GUCY2C: variants seen among roughly 807,000 people sequenced by gnomAD.
GUCY2C encodes guanylyl cyclase C.
Under a neutral mutation model 131.1 loss-of-function variants are expected in GUCY2C, and 118 were observed. That is an observed-to-expected ratio of 0.90 (90% CI 0.78 to 1.05). The LOEUF is 1.05. Among genes scored for constraint, GUCY2C ranks in the 50% least tolerant of loss-of-function variants. The pLI, the probability that GUCY2C is intolerant of heterozygous loss-of-function variation, is 0.00. For synonymous variants in GUCY2C, 452 were observed against 457.8 expected (o/e 0.99, Z 0.16); for missense variants, 1,161 against 1,304.4 (o/e 0.89, Z 1.69).
At chr12:14,630,033 A>G (rs1357445942) in intron 19 of GUCY2C, among the ~76,000 whole-genome samples, 1 of 147,456 alleles carries the variant, frequency 6.8e-6, no homozygotes, top group African/African-American at 2.7e-5. Context: ...AAAGGGAGGT[A>G]TGGAGGAAGA....
At position 14,612,839 on chromosome 12, in the gene GUCY2C, T is replaced by C. The variant is rs1289527292; in HGVS notation, c.*278A>G. The stretch of plus-strand genomic sequence containing the variant: ...TAAATGAAATAAGAATAAAATCTTC[T>C]CAAGTTCTAGATAGTCTATTCATTT... On this transcript the variant is annotated 3_prime_UTR_variant, in exon 27 of 27. Transcript: ENST00000261170. 3.1e-6 allele frequency: 1 copy of C among 317,842 alleles called. No homozygotes were observed. Among genetic ancestry groups the C allele is most frequent in the Non-Finnish European group, 5.7e-6 (1 of 175,778 alleles). The allele number at this position is 317,842 out of a possible 1,614,324, so 19.7% of individuals were successfully genotyped here. A position where few individuals can be genotyped will look rare whatever the true frequency, so the allele number is the denominator to read the frequency against.
chr12:14,670,875 A>G (rs946677639), intron 9 of GUCY2C, among the ~76,000 whole-genome samples: 6 of 151,730 alleles, frequency 4.0e-5, no homozygotes, highest in African/African-American at 9.7e-5. Flanking sequence ...TTACAGTTCC[A>G]CATGACTGGG....
At chr12:14,671,262 C>G (rs1172802724) in intron 9 of GUCY2C, among the ~76,000 whole-genome samples, 1 of 152,090 alleles carries the variant, frequency 6.6e-6, no homozygotes, top group African/African-American at 2.4e-5. Flanking sequence ...CTCAGCCTCC[C>G]AAGTAGCTGG....
chr12:14,694,966 A>G (rs1053082525), intron 1 of GUCY2C, among the ~76,000 whole-genome samples: 2 of 152,200 alleles, frequency 1.3e-5, no homozygotes, highest in African/African-American at 4.8e-5. Context: ...TCAGAGAATT[A>G]TTTTATATAT....
intron 20 of GUCY2C, among the ~76,000 whole-genome samples, chr12:14,627,803 C>A (rs1158927365): frequency 1.3e-5 from 2 of 152,162 alleles, no homozygotes; most frequent in Admixed American, 6.5e-5. Flanking sequence ...ATTATTATTT[C>A]CTGCTCCATT....
rs1947071907 is a variant in GUCY2C at position 14,628,611 on chromosome 12, C to CA, written c.2249+34dup. 15 of 1,058,446 alleles carry CA rather than the reference C, an allele frequency of 1.4e-5. 1 individual carries two copies. The highest frequency in any genetic ancestry group is 2.2e-5 in the Non-Finnish European group (15 of 673,478). 65.6% of individuals were successfully genotyped at this position (1,058,446 alleles called of 1,614,324 possible). A position where few individuals can be genotyped will look rare whatever the true frequency, so the allele number is the denominator to read the frequency against. ...CAACTATAATTTTTTTAAAACCCTG[C>CA]AATTAGTGAATAAAAGTAAACATTT... On this transcript the variant is annotated intron_variant, in intron 20 of 26. Transcript: ENST00000261170.
intron 19 of GUCY2C, among the ~76,000 whole-genome samples, chr12:14,630,649 T>C (rs1159847636): frequency 4.6e-5 from 7 of 152,196 alleles, no homozygotes; most frequent in Admixed American, 1.3e-4. Flanking sequence ...CCATTTTATA[T>C]CAGATCCTTG....
Position 14,687,951 on chromosome 12 carries a change from T to C in GUCY2C, c.330A>G (p.Ser110=), listed in dbSNP as rs990122372. 1.3e-6 allele frequency: 2 copies of C among 1,578,260 alleles called. No individual in the cohort carries two copies. The highest frequency in any genetic ancestry group is 2.2e-5 in the East Asian group (1 of 44,702). ...TGCATCCACAAAAGCAAATACTTAC[T>C]GAAATTTTCCTGAGTAGGTCGAGGC... ...CEGLDLLRKI[S]NAQRMGCVLI... Residue 110 remains serine (S), a splice_region_variant and synonymous_variant, in exon 2 of 27, where the codon TCA becomes TCG. Transcript: ENST00000261170.
chr12:14,670,018 C>A (rs1437848759), intron 9 of GUCY2C, among the ~76,000 whole-genome samples, 185 bp from the exon 10 acceptor site: 1 of 152,202 alleles, frequency 6.6e-6, no homozygotes, highest in Non-Finnish European at 1.5e-5. Flanking sequence ...GATATAACTT[C>A]AGATGGACCG....
chr12:14,620,810 G>A (rs1467813664), intron 23 of GUCY2C, among the ~76,000 whole-genome samples: 1 of 152,172 alleles, frequency 6.6e-6, no homozygotes, highest in Non-Finnish European at 1.5e-5. Flanking sequence ...CATGTTTGGT[G>A]TTTATCATGT....
At chr12:14,677,030 A>G (rs1363352819) in intron 6 of GUCY2C, 59 bp from the exon 7 acceptor site, 3 of 543,664 alleles carry the variant, frequency 5.5e-6, no homozygotes, top group East Asian at 3.1e-5. Context: ...TGCATCTTCT[A>G]TAGTTCACAC....
chr12:14,639,970 A>G lies in GUCY2C; in HGVS notation c.2069-20T>C. 3.5e-6 allele frequency: 5 copies of G among 1,435,642 alleles called. No individual in the cohort carries two copies. The highest frequency in any genetic ancestry group is 4.9e-6 in the Non-Finnish European group (5 of 1,017,434). The allele number at this position is 1,435,642 out of a possible 1,614,324, so 88.9% of individuals were successfully genotyped here. On this transcript the variant is annotated intron_variant, in intron 18 of 26. Transcript: ENST00000261170. ...TCTTCTCTGGTTGGGTGAGAAAAAT[A>G]TAAATTACAAAGAAGAATACAGCAT...
chr12:14,643,929 G>A (rs1947459761), intron 16 of GUCY2C, among the ~76,000 whole-genome samples: 1 of 152,162 alleles, frequency 6.6e-6, no homozygotes, highest in Non-Finnish European at 1.5e-5. Context: ...CAGAGTAAAA[G>A]GGAATTGTCT....
At chr12:14,693,695 G>A (rs1254219720) in intron 1 of GUCY2C, among the ~76,000 whole-genome samples, 2 of 152,072 alleles carry the variant, frequency 1.3e-5, no homozygotes, top group African/African-American at 4.8e-5. Context: ...TAAAAGTCTG[G>A]GCATCACAGC....
intron 9 of GUCY2C, among the ~76,000 whole-genome samples, chr12:14,670,725 C>T (rs1948088327): frequency 1.3e-5 from 2 of 151,840 alleles, no homozygotes; most frequent in South Asian, 4.2e-4. Context: ...TCTCTCTTGC[C>T]TGCTACCATG....
intron 1 of GUCY2C, among the ~76,000 whole-genome samples, chr12:14,692,386 TTTTC>T (rs1948590825): frequency 6.6e-6 from 1 of 152,074 alleles, no homozygotes; most frequent in African/African-American, 2.4e-5. Context: ...GAAATATAGG[TTTTC>T]TTTAATAAAA....
Position 14,628,686 on chromosome 12 carries a change from C to T in GUCY2C, c.2209G>A (p.Asp737Asn). ...AGTGTAGTCTCAATTTTTTTGAAAT[C>T]TGGTCTCTTTTCTGGATCTTCCTCC... ...CWEEDPEKRP[D>N]FKKIETTLAK... Residue 737 changes from aspartate (D) to asparagine (N), a missense_variant, in exon 20 of 27, where the codon GAT becomes AAT. By Grantham distance (23) the Asp-to-Asn change is conservative (BLOSUM62 1). Transcript: ENST00000261170. 6.2e-7 allele frequency: 1 copy of T among 1,601,814 alleles called. No individual in the cohort carries two copies. The highest frequency in any genetic ancestry group is 8.6e-7 in the Non-Finnish European group (1 of 1,169,384).
At chr12:14,687,855 T>C (rs762453026) in intron 2 of GUCY2C, 96 bp downstream of exon 2, 3 of 727,500 alleles carry the variant, frequency 4.1e-6, no homozygotes, top group East Asian at 5.0e-5. Flanking sequence ...CTAGAGATGA[T>C]GGGAGAGCTG....
chr12:14,637,505 G>C (rs919678559), intron 19 of GUCY2C, among the ~76,000 whole-genome samples: 2 of 152,090 alleles, frequency 1.3e-5, no homozygotes, highest in African/African-American at 4.8e-5. Context: ...AAAGAACAAA[G>C]CTGGAGGCAT....
Sources: allele counts gnomAD v4.1 joint callset (sites outside exome capture counted in the v4.1 genomes callset), GRCh38; gene constraint gnomAD v4.1.1; transcripts MANE v1.5; gene names NCBI Gene and HGNC (gene_info 2026-07-23, HGNC 2026-07-21).